Variants in ATF7 observed in about 807,000 individuals in gnomAD.
ATF7 encodes the protein cyclic AMP-dependent transcription factor ATF-7.
ATF7 carries 10 observed loss-of-function variants against 50.4 expected under a neutral mutation model. The ratio of observed to expected loss-of-function variants is 0.20; its 90% CI spans 0.12 to 0.34. ATF7 has a LOEUF of 0.34. ATF7 is among the 10% of genes least tolerant of loss of function. ATF7 has a pLI of 1.00. For synonymous variants in ATF7, 201 were observed against 226.4 expected (o/e 0.89, Z 1.01); for missense variants, 465 against 613.9 (o/e 0.76, Z 2.56).
chr12:53,527,652 T>C (rs1345714871), intron 9 of ATF7, among the ~76,000 whole-genome samples: 1 of 151,718 alleles, frequency 6.6e-6, no homozygotes, highest in African/African-American at 2.4e-5. Context: ...GGCGTGGTGG[T>C]GCACACCTGT....
rs1297854111 is a variant in ATF7, at chr12:53,588,611, G to A, written c.48+12342C>T. ...GAGCTTATGGGCATAAAACTAAGGC[G>A]AGAAAGAAGAAAATATGGATCAGGA... On this transcript the variant is annotated intron_variant, in intron 2 of 11. Transcript: ENST00000420353. 2.6e-5 allele frequency among the ~76,000 whole-genome samples: 4 copies of A among 152,128 alleles called. No individual in the cohort carries two copies. In the East Asian group the frequency reaches 5.8e-4, roughly 22 times the overall value.
chr12:53,587,789 G>T (rs780578646), intron 2 of ATF7, among the ~76,000 whole-genome samples: 2 of 130,832 alleles, frequency 1.5e-5, no homozygotes, highest in Non-Finnish European at 3.3e-5. Context: ...TAGATTCTCT[G>T]GTCTCTTTTG....
chr12:53,572,370 G>A (rs978716890), intron 2 of ATF7, among the ~76,000 whole-genome samples: 2 of 152,196 alleles, frequency 1.3e-5, no homozygotes, highest in Admixed American at 6.5e-5. Context: ...ACAATCAAGT[G>A]CCAGGGGAGG....
chr12:53,524,706 T>A lies in ATF7; in HGVS notation c.983A>T (p.Asp328Val), dbSNP rs770864141. Residue 328 changes from aspartate (D) to valine (V), a missense_variant, in exon 10 of 12, where the codon GAT becomes GTT. Coordinates refer to ENST00000420353, the MANE Select transcript of ATF7 (RefSeq NM_006856.3). The surrounding 1 kb of genome is among the most constrained non-coding windows in gnomAD (Gnocchi z 4.6). The stretch of plus-strand genomic sequence containing the variant: ...CTGCCGTCGCTCATCTGGATCTTCA[T>A]CTACTGTGCGCCGCCGTCGCCCCCC... Reference protein sequence around the residue: ...STGGRRRRTVDEDPDERRQRF... With the variant: ...STGGRRRRTVVEDPDERRQRF... 1 of 1,613,218 alleles carries A rather than the reference T, an allele frequency of 6.2e-7. No individual in the cohort carries two copies. Among genetic ancestry groups the A allele is most frequent in the Non-Finnish European group, 8.5e-7 (1 of 1,179,802 alleles).
intron 1 of ATF7, among the ~76,000 whole-genome samples, chr12:53,603,804 A>C (rs1451139887): frequency 1.3e-5 from 2 of 152,230 alleles, no homozygotes; most frequent in Non-Finnish European, 2.9e-5. Context: ...TGCTACATAT[A>C]AAGAATGTCA....
intron 2 of ATF7, among the ~76,000 whole-genome samples, chr12:53,561,329 TAAAA>T (rs57397230): frequency 1.5e-5 from 2 of 134,478 alleles, no homozygotes; most frequent in Non-Finnish European, 3.1e-5. Flanking sequence ...ACTGTCTCTT[TAAAA>T]AAAAAAAAAA....
intron 1 of ATF7, among the ~76,000 whole-genome samples, chr12:53,612,773 G>A (rs1052222977): frequency 1.3e-5 from 2 of 152,228 alleles, no homozygotes; most frequent in Non-Finnish European, 2.9e-5. Context: ...GGAGGCTGAG[G>A]TGGGCAGATC....
chr12:53,561,329 T>TAAA (rs57397230), intron 2 of ATF7, among the ~76,000 whole-genome samples: 5 of 134,468 alleles, frequency 3.7e-5, no homozygotes, highest in South Asian at 2.4e-4. Context: ...ACTGTCTCTT[T>TAAA]AAAAAAAAAA....
At chr12:53,585,821 A>G (rs1942652286) in intron 2 of ATF7, among the ~76,000 whole-genome samples, 1 of 151,930 alleles carries the variant, frequency 6.6e-6, no homozygotes, top group African/African-American at 2.4e-5. Context: ...AGAAAGGCTT[A>G]GCCCACTCCA....
chr12:53,552,698 T>C (rs576775918), intron 2 of ATF7, 61 bp from the exon 3 acceptor site: 1 of 1,263,032 alleles, frequency 7.9e-7, no homozygotes, highest in Non-Finnish European at 1.1e-6. Context: ...TTCGGTGCCC[T>C]TTTAAAATGT....
Position 53,533,160 on chromosome 12 carries a change from C to T in ATF7, c.660G>A (p.Ser220=). The T allele has an allele frequency of 1.2e-6, 2 of 1,610,416 alleles. No individual in the cohort carries two copies. Among genetic ancestry groups the T allele is most frequent in the Non-Finnish European group, 1.7e-6 (2 of 1,176,924 alleles). Residue 220 remains serine (S), a splice_region_variant and synonymous_variant, in exon 7 of 12, where the codon TCG becomes TCA. Transcript: ENST00000420353. ...GPPVQMPSVI[S]LARPVSMVPN... is the part of the protein sequence containing the mutation. ...TGGCTGCCCCAACTACAGAGCTCAC[C>T]GATATAACAGACGGCATCTGTACTG...
chr12:53,587,183 A>G (rs1942721867), intron 2 of ATF7, among the ~76,000 whole-genome samples: 2 of 151,600 alleles, frequency 1.3e-5, no homozygotes, highest in South Asian at 2.1e-4. Context: ...CCTGGCCAAC[A>G]TGGTGAAAAC....
chr12:53,582,315 A>G (rs2137707461), intron 2 of ATF7, among the ~76,000 whole-genome samples: 2 of 150,404 alleles, frequency 1.3e-5, no homozygotes, highest in South Asian at 4.2e-4. Context: ...GCGACATAGC[A>G]AGACTCTGTC....
intron 2 of ATF7, among the ~76,000 whole-genome samples, chr12:53,561,329 T>TAAAA (rs57397230): frequency 7.4e-6 from 1 of 134,476 alleles, no homozygotes; most frequent in African/African-American, 2.8e-5. Flanking sequence ...ACTGTCTCTT[T>TAAAA]AAAAAAAAAA....
chr12:53,568,907 A>G (rs1941598943), intron 2 of ATF7, among the ~76,000 whole-genome samples: 1 of 152,192 alleles, frequency 6.6e-6, no homozygotes, highest in Non-Finnish European at 1.5e-5. Flanking sequence ...CATGCTGGTA[A>G]TCCCAGCTAC....
intron 9 of ATF7, 42 bp downstream of exon 9, chr12:53,531,702 A>T (rs1938903386): frequency 1.9e-6 from 3 of 1,551,166 alleles, no homozygotes; most frequent in Non-Finnish European, 2.6e-6. Context: ...TGACATAAAG[A>T]TACGTCATAA....
chr12:53,587,837 A>ATG (rs1565981731), intron 2 of ATF7, among the ~76,000 whole-genome samples: 229 of 49,226 alleles, frequency 4.7e-3, no homozygotes, highest in African/African-American at 0.012. Flanking sequence ...ATATATATAT[A>ATG]TATATATTTT....
chr12:53,577,424 G>C (rs1942134021), intron 2 of ATF7, among the ~76,000 whole-genome samples: 1 of 150,112 alleles, frequency 6.7e-6, no homozygotes, highest in South Asian at 2.1e-4. Flanking sequence ...GAGAAAGAAA[G>C]AAACACACAC....
intron 2 of ATF7, among the ~76,000 whole-genome samples, chr12:53,555,490 A>ATTTTTTTTT (rs543048867): frequency 9.9e-6 from 1 of 100,740 alleles, no homozygotes; most frequent in Non-Finnish European, 1.8e-5. Flanking sequence ...AAATAATATA[A>ATTTTTTTTT]TTTTTTTTTT....
Sources: allele counts gnomAD v4.1 joint callset (sites outside exome capture counted in the v4.1 genomes callset), GRCh38; gene constraint gnomAD v4.1.1; non-coding constraint Gnocchi (gnomAD v3.1); transcripts MANE v1.5; gene names NCBI Gene and HGNC (gene_info 2026-07-23, HGNC 2026-07-21).